The following GLIS3 variants were observed in gnomAD, a reference collection of about 807,000 sequenced individuals.
GLIS3 encodes zinc finger protein GLIS3.
Under a neutral mutation model 78.6 loss-of-function variants are expected in GLIS3, and 53 were observed. That is an observed-to-expected ratio of 0.67 (90% CI 0.54 to 0.85). GLIS3 has a LOEUF of 0.85. Among genes scored for constraint, GLIS3 ranks in the 40% least tolerant of loss-of-function variants. The pLI is 0.00. For missense variants in GLIS3, 1,703 were observed against 1,231.1 expected, an observed-to-expected ratio of 1.38 and a Z score of -5.74; for synonymous variants, 684 against 509.9, an observed-to-expected ratio of 1.34 and a Z score of -4.60.
At chr9:4,127,216 T>C (rs1172080581) in intron 2 of GLIS3, among the ~76,000 whole-genome samples, 2 of 152,180 alleles carry the variant, frequency 1.3e-5, no homozygotes, top group Non-Finnish European at 2.9e-5. Flanking sequence ...CAAGTGGTAA[T>C]TGACCTGCAC....
upstream of GLIS3, among the ~76,000 whole-genome samples, chr9:4,352,249 A>T (rs963237157): frequency 6.6e-6 from 1 of 152,214 alleles, no homozygotes; most frequent in African/African-American, 2.4e-5. Context: ...CTCTTTGGGG[A>T]GGCTAAGTGA....
At chr9:3,832,148 T>A (rs1818080878) in intron 9 of GLIS3, among the ~76,000 whole-genome samples, 1 of 150,994 alleles carries the variant, frequency 6.6e-6, no homozygotes, top group African/African-American at 2.4e-5. Flanking sequence ...CATACTGCGT[T>A]ATAAAGATTA....
At chr9:4,318,815 A>T (rs953970957) in intron 2 of GLIS3, among the ~76,000 whole-genome samples, 2 of 152,208 alleles carry the variant, frequency 1.3e-5, no homozygotes, top group African/African-American at 4.8e-5. Flanking sequence ...GGTGAACAGG[A>T]TATTTTCAGA....
the GLIS3 span, among the ~76,000 whole-genome samples, chr9:4,488,266 T>C: frequency 6.6e-6 from 1 of 152,104 alleles, no homozygotes; most frequent in East Asian, 1.9e-4. Flanking sequence ...ATATGTTTAT[T>C]TTACACACAT....
At chr9:4,442,835 C>T in the GLIS3 span, among the ~76,000 whole-genome samples, 1 of 151,950 alleles carries the variant, frequency 6.6e-6, no homozygotes, top group Non-Finnish European at 1.5e-5. Flanking sequence ...TTCGCTTTCC[C>T]TCTCTATAGA....
At chr9:3,833,862 G>C (rs572399445) in intron 9 of GLIS3, among the ~76,000 whole-genome samples, 88 of 152,226 alleles carry the variant, frequency 5.8e-4, no homozygotes, top group Middle Eastern at 3.4e-3. Flanking sequence ...AGTTCCCAAA[G>C]GTCAAGGAGA....
chr9:4,208,094 C>T (rs1298523106), intron 2 of GLIS3, among the ~76,000 whole-genome samples: 2 of 152,172 alleles, frequency 1.3e-5, no homozygotes, highest in Non-Finnish European at 2.9e-5. Flanking sequence ...CAAGAGCAGG[C>T]CTAACCAGGC....
chr9:3,879,207 C>G (rs1217961698), intron 8 of GLIS3, among the ~76,000 whole-genome samples: 1 of 152,162 alleles, frequency 6.6e-6, no homozygotes, highest in Non-Finnish European at 1.5e-5. Context: ...CTTTGGCTGG[C>G]TATTGCCAGT....
intron 4 of GLIS3, among the ~76,000 whole-genome samples, chr9:4,048,864 C>A (rs957312806): frequency 2.0e-5 from 3 of 152,166 alleles, no homozygotes; most frequent in African/African-American, 7.2e-5. Flanking sequence ...TTTCTAGAAA[C>A]AGGCAATGTA....
intron 9 of GLIS3, among the ~76,000 whole-genome samples, chr9:3,835,083 C>T (rs553485762): frequency 2.0e-5 from 3 of 152,160 alleles, no homozygotes; most frequent in Non-Finnish European, 4.4e-5. Flanking sequence ...GCCTACACTT[C>T]GTCAAAGGGA....
chr9:4,372,059 GT>G, the GLIS3 span, among the ~76,000 whole-genome samples: 1 of 152,132 alleles, frequency 6.6e-6, no homozygotes, highest in Non-Finnish European at 1.5e-5. Context: ...TGGGATCCCT[GT>G]TATTTTGAAG....
chr9:4,169,848 G>A (rs532734513), intron 2 of GLIS3, among the ~76,000 whole-genome samples: 2 of 152,152 alleles, frequency 1.3e-5, no homozygotes, highest in East Asian at 3.9e-4. Flanking sequence ...TTTTTTTGTT[G>A]TCTGAAATTA....
the GLIS3 span, among the ~76,000 whole-genome samples, chr9:4,487,369 T>C: frequency 6.6e-6 from 1 of 152,114 alleles, no homozygotes; most frequent in Non-Finnish European, 1.5e-5. Context: ...TTCACACAGA[T>C]TATTGTATTA....
chr9:4,012,679 C>G (rs1231225071), intron 4 of GLIS3, among the ~76,000 whole-genome samples: 1 of 151,894 alleles, frequency 6.6e-6, no homozygotes, highest in Non-Finnish European at 1.5e-5. Flanking sequence ...ACCGGTGGAC[C>G]CTAGCCACCA....
intron 8 of GLIS3, among the ~76,000 whole-genome samples, chr9:3,867,241 G>T (rs148686492): frequency 1.3e-5 from 2 of 152,218 alleles, no homozygotes; most frequent in African/African-American, 4.8e-5. Context: ...TGTTGTTGTT[G>T]TTGCTGTTGT....
intron 2 of GLIS3, among the ~76,000 whole-genome samples, chr9:4,264,537 G>A (rs558088931): frequency 6.6e-6 from 1 of 152,178 alleles, no homozygotes; most frequent in African/African-American, 2.4e-5. Flanking sequence ...CAGTCTATAA[G>A]AACCAAAATG....
intron 6 of GLIS3, among the ~76,000 whole-genome samples, chr9:3,910,629 A>G (rs528048851): frequency 6.6e-6 from 1 of 152,340 alleles, no homozygotes; most frequent in African/African-American, 2.4e-5. Flanking sequence ...GAGATTACAG[A>G]GGCAGGCCAA....
In GLIS3 at chr9:4,118,965, G is replaced by A. The variant is rs1055146697; in HGVS notation, c.597-84C>T. 7 of 1,361,904 alleles carry A rather than the reference G, an allele frequency of 5.1e-6. No homozygotes were observed. Among genetic ancestry groups the A allele is most frequent in the Non-Finnish European group, 7.1e-6 (7 of 986,426 alleles). The allele number at this position is 1,361,904 out of a possible 1,614,324, so 84.4% of individuals were successfully genotyped here. ...ATTGCTTAAGAGCTAAAAGAACACT[G>A]CATTGACAATCCCTTAAGTATTTCC... On this transcript the variant is annotated intron_variant, in intron 3 of 10. Coordinates refer to ENST00000381971, the MANE Select transcript of GLIS3 (RefSeq NM_001042413.2). The surrounding 1 kb of genome is among the most constrained non-coding windows in gnomAD (Gnocchi z 4.7).
chr9:4,119,219 TGGGAAAAA>T (rs1831999394), intron 3 of GLIS3, among the ~76,000 whole-genome samples: 1 of 152,216 alleles, frequency 6.6e-6, no homozygotes, highest in African/African-American at 2.4e-5. Flanking sequence ...GATAGAGACC[TGGGAAAAA>T]TTACTGATAC....
Sources: gnomAD v4.1 joint callset for allele counts (sites outside exome capture counted in the v4.1 genomes callset) on GRCh38, gnomAD v4.1.1 for gene constraint, Gnocchi (gnomAD v3.1) non-coding constraint, MANE v1.5 for transcripts, NCBI Gene and HGNC (gene_info 2026-07-23, HGNC 2026-07-21) for gene names.